YLPM1: variants seen among roughly 807,000 people sequenced by gnomAD.
YLPM1 encodes the protein YLP motif-containing protein 1.
Under a neutral mutation model 230.0 loss-of-function variants are expected in YLPM1, and 99 were observed. The ratio of observed to expected loss-of-function variants is 0.43; its 90% CI spans 0.37 to 0.51. The LOEUF (loss-of-function observed/expected upper bound fraction) is 0.51, where lower values mean the gene tolerates loss of function less well. Among genes scored for constraint, YLPM1 ranks in the 20% least tolerant of loss-of-function variants. The pLI is 0.00. For synonymous variants in YLPM1, 984 were observed against 942.5 expected (o/e 1.04, Z -0.81); for missense variants, 2,592 against 2,707.7 (o/e 0.96, Z 0.95).
At position 74,780,598 on chromosome 14, in the gene YLPM1, T is replaced by C; in HGVS notation, c.1290+14T>C. Reference sequence around the variant, plus strand: ...CCACATATACAGGCAAGTGCTTCCATAGTCCACAATAGGAAGTTGCCCCAA... The same window carrying C: ...CCACATATACAGGCAAGTGCTTCCACAGTCCACAATAGGAAGTTGCCCCAA... On this transcript the variant is annotated intron_variant, in intron 3 of 20. Coordinates refer to ENST00000325680, the MANE Select transcript of YLPM1 (RefSeq NM_019589.3). 1 of 1,580,180 alleles carries C rather than the reference T, an allele frequency of 6.3e-7. No individual in the cohort carries two copies.
At chr14:74,832,498 G>T (rs888585820) in intron 19 of YLPM1, among the ~76,000 whole-genome samples, 1 of 151,976 alleles carries the variant, frequency 6.6e-6, no homozygotes, top group Non-Finnish European at 1.5e-5. Context: ...TTGAGACAGA[G>T]TCTCACTCTG....
chr14:74,777,076 T>A lies in YLPM1; in HGVS notation c.874-1371T>A, dbSNP rs552652249. Among the ~76,000 whole-genome samples the A allele has an allele frequency of 4.7e-5, 7 of 150,044 alleles. No homozygotes were observed. The East Asian group carries it at 1.4e-3, about 30-fold the overall frequency. On this transcript the variant is annotated intron_variant, in intron 1 of 20. Transcript: ENST00000325680. ...CCTGTCTCAAAAAAAGAAAAAAAAA[T>A]TTTAGCAAGTAGGCAAATTTGCAAA...
Position 74,763,398 on chromosome 14 carries a change from A to C in YLPM1, c.-92A>C. The C allele has an allele frequency of 2.2e-6, 3 of 1,367,248 alleles. No homozygotes were observed. The highest frequency in any genetic ancestry group is 2.9e-6 in the Non-Finnish European group (3 of 1,050,520). The allele number at this position is 1,367,248 out of a possible 1,614,324, so 84.7% of individuals were successfully genotyped here. ...CGCTCCGGGGCCTGTAGGCGCCGCG[A>C]GTTCCGGCTGTCGCCGTCGCCGCCG... On this transcript the variant is annotated 5_prime_UTR_variant, in exon 1 of 21. Transcript: ENST00000325680.
chr14:74,777,078 T>C (rs928845336), intron 1 of YLPM1, among the ~76,000 whole-genome samples: 1 of 151,056 alleles, frequency 6.6e-6, no homozygotes, highest in Non-Finnish European at 1.5e-5. Context: ...AAAAAAAATT[T>C]TAGCAAGTAG....
At chr14:74,805,290 G>A (rs1433772784) in intron 6 of YLPM1, among the ~76,000 whole-genome samples, 1 of 151,896 alleles carries the variant, frequency 6.6e-6, no homozygotes, top group Non-Finnish European at 1.5e-5. Flanking sequence ...GAAAGTGCTG[G>A]GATTACAGGC....
chr14:74,787,692 A>C (rs1253444394), intron 4 of YLPM1, among the ~76,000 whole-genome samples: 1 of 152,128 alleles, frequency 6.6e-6, no homozygotes, highest in Non-Finnish European at 1.5e-5. Flanking sequence ...TTAAAGTTTA[A>C]AGTAATTTTA....
rs769955007 is a variant in YLPM1 at position 74,763,636 on chromosome 14, C to T, written c.147C>T (p.Gly49=). Residue 49 remains glycine, a synonymous_variant, in exon 1 of 21, where the codon GGC becomes GGT. Transcript: ENST00000325680. ...CTCCCGCGGCCCCCTCCTCCTCGGG[C>T]TTCATGAGCTTCCGCGAACAGCACT... ...STTPAAPSSS[G]FMSFREQHLA... is the part of the protein sequence containing the mutation. The T allele has an allele frequency of 1.4e-5, 22 of 1,592,394 alleles. No individual in the cohort carries two copies. The highest frequency in any genetic ancestry group is 2.3e-5 in the East Asian group (1 of 42,742).
chr14:74,768,251 T>A lies in YLPM1; in HGVS notation c.873+3889T>A, dbSNP rs1463247305. 9.4e-5 allele frequency among the ~76,000 whole-genome samples: 13 copies of A among 137,916 alleles called. No individual in the cohort carries two copies. In the East Asian group the frequency reaches 2.7e-3, roughly 28 times the overall value. 90.5% of individuals were successfully genotyped at this position (137,916 alleles called of 152,430 possible). A position where few individuals can be genotyped will look rare whatever the true frequency, so the allele number is the denominator to read the frequency against. On this transcript the variant is annotated intron_variant, in intron 1 of 20. Coordinates refer to ENST00000325680, the MANE Select transcript of YLPM1 (RefSeq NM_019589.3). ...TTGATGATTTAATGGAATGTGTTTT[T>A]TTGTTTGTTTGTTTCTGAGAGAGAG...
Position 74,811,614 on chromosome 14 carries a change from T to G in YLPM1, c.5229-6T>G. On this transcript the variant is annotated splice_polypyrimidine_tract_variant and splice_region_variant and intron_variant, in intron 9 of 20. Transcript: ENST00000325680. ...TTGCTGAAGCGCTTCCTATTACACCTTCTAGAGCTCAGTCATATCGAGACA... is the reference window on the plus strand; with the variant it reads ...TTGCTGAAGCGCTTCCTATTACACCGTCTAGAGCTCAGTCATATCGAGACA... 1.9e-6 allele frequency: 3 copies of G among 1,604,968 alleles called. No individual in the cohort carries two copies. Among genetic ancestry groups the G allele is most frequent in the Non-Finnish European group, 2.6e-6 (3 of 1,175,246 alleles).
intron 19 of YLPM1, among the ~76,000 whole-genome samples, chr14:74,830,334 G>A (rs566561447): frequency 7.2e-4 from 109 of 152,272 alleles, no homozygotes; most frequent in African/African-American, 2.5e-3. Context: ...TATTAGATAG[G>A]TCTTTACATA....
At chr14:74,816,358 T>C in intron 12 of YLPM1, 93 bp downstream of exon 12, 1 of 1,378,330 alleles carries the variant, frequency 7.3e-7, no homozygotes, top group Admixed American at 2.0e-5. Context: ...ATAATGCCAA[T>C]AGAATTGTCT....
Position 74,836,795 on chromosome 14 carries a change from T to A in YLPM1, c.*1057T>A, listed in dbSNP as rs1031483009. 2 of 152,644 alleles carry A rather than the reference T, an allele frequency of 1.3e-5. No homozygotes were observed. Among genetic ancestry groups the A allele is most frequent in the Non-Finnish European group, 2.9e-5 (2 of 68,040 alleles). 9.5% of individuals were successfully genotyped at this position (152,644 alleles called of 1,614,324 possible). A position where few individuals can be genotyped will look rare whatever the true frequency, so the allele number is the denominator to read the frequency against. On this transcript the variant is annotated 3_prime_UTR_variant, in exon 21 of 21. Transcript: ENST00000325680. ...GAAAGCATGGCCTTCTGCACAGAAT[T>A]TCCTCTCTTGTGGTTAATACCAGGT...
At chr14:74,791,426 CACCCT>C (rs140493546) in intron 4 of YLPM1, among the ~76,000 whole-genome samples, 2 of 152,282 alleles carry the variant, frequency 1.3e-5, no homozygotes, top group East Asian at 3.9e-4. Context: ...GAAAACAAAG[CACCCT>C]ACCCTTTCAA....
chr14:74,773,282 C>G (rs967718871), intron 1 of YLPM1, among the ~76,000 whole-genome samples: 2 of 151,458 alleles, frequency 1.3e-5, no homozygotes, highest in African/African-American at 4.9e-5. Context: ...AGCGAGACTC[C>G]ATCTCAAGAA....
Position 74,797,879 on chromosome 14 carries a change from G to T in YLPM1, c.2582G>T (p.Gly861Val), listed in dbSNP as rs1288350051. 6.2e-7 allele frequency: 1 copy of T among 1,613,890 alleles called. No individual in the cohort carries two copies. The highest frequency in any genetic ancestry group is 1.3e-5 in the African/African-American group (1 of 75,020). The change falls in exon 5 of 21, where the codon GGA becomes GTA. Residue 861 changes from glycine to valine, a missense_variant. Gly to Val is a moderately radical substitution (Grantham distance 109). This residue lies in a region of YLPM1 where 1,862 missense variants were observed against 1,819.8 expected (regional missense o/e 1.02). Coordinates refer to ENST00000325680, the MANE Select transcript of YLPM1 (RefSeq NM_019589.3). Reference sequence around the variant, plus strand: ...AAGTCACAAGCAGAACCTCTTTCAGGAAACAAAGAACCATTAGCAGACACC... The same window carrying T: ...AAGTCACAAGCAGAACCTCTTTCAGTAAACAAAGAACCATTAGCAGACACC... Reference protein sequence around the residue: ...QPKSQAEPLSGNKEPLADTSS... With the variant: ...QPKSQAEPLSVNKEPLADTSS...
rs201042119 is a variant in YLPM1 at position 74,764,235 on chromosome 14, C to T, written c.746C>T (p.Pro249Leu). ...AAATCCCAACTACTAGCTCCACCACCACCGTCCGCCCCCCCTGGAAATAAG... is the reference window on the plus strand; with the variant it reads ...AAATCCCAACTACTAGCTCCACCACTACCGTCCGCCCCCCCTGGAAATAAG... ...HSKSQLLAPP[P>L]PSAPPGNKTT... Residue 249 changes from proline to leucine, a missense_variant, in exon 1 of 21, where the codon CCA (proline) becomes CTA (leucine). By Grantham distance (98) the Pro-to-Leu change is moderately conservative. Transcript: ENST00000325680. The T allele has an allele frequency of 5.0e-5, 81 of 1,613,740 alleles. No homozygotes were observed. The highest frequency in any genetic ancestry group is 5.9e-5 in the Non-Finnish European group (70 of 1,179,860).
At chr14:74,809,847 C>T (rs1436652045) in intron 7 of YLPM1, 50 bp downstream of exon 7, 1 of 1,608,626 alleles carries the variant, frequency 6.2e-7, no homozygotes, top group Non-Finnish European at 8.5e-7. Flanking sequence ...GAATTGTTAG[C>T]TTCAGCTTTA....
chr14:74,764,337 C>CAG lies in YLPM1; in HGVS notation c.850_851dup (p.Asp284GlufsTer6). On this transcript the variant is annotated frameshift_variant, in exon 1 of 21. Transcript: ENST00000325680. LOFTEE classifies it high-confidence loss of function. ...GAACAGCAGCAAGCCGCCCCTGAGC[C>CAG]AGATCCCTCTACGATGACTCCACAG... The CAG allele has an allele frequency of 6.2e-7, 1 of 1,612,196 alleles. No homozygotes were observed. The highest frequency in any genetic ancestry group is 8.5e-7 in the Non-Finnish European group (1 of 1,179,002).
intron 4 of YLPM1, among the ~76,000 whole-genome samples, chr14:74,796,537 T>C (rs921007754): frequency 6.6e-6 from 1 of 152,222 alleles, no homozygotes; most frequent in African/African-American, 2.4e-5. Context: ...TCTTGGTACT[T>C]ATTTACACTT....
Sources: gnomAD v4.1 joint callset for allele counts (sites outside exome capture counted in the v4.1 genomes callset) on GRCh38, gnomAD v4.1.1 for gene constraint, gnomAD v4.1.1 regional missense constraint, MANE v1.5 for transcripts, NCBI Gene and HGNC (gene_info 2026-07-23, HGNC 2026-07-21) for gene names.